MTMR1: variants seen among roughly 807,000 people sequenced by gnomAD.
MTMR1 encodes the protein phosphatidylinositol-3-phosphate phosphatase MTMR1.
MTMR1 carries 17 observed loss-of-function variants against 51.6 expected under a neutral mutation model. The observed-to-expected ratio is 0.33, with a 90% CI of 0.23 to 0.49. The LOEUF (loss-of-function observed/expected upper bound fraction) is 0.49, where lower values mean the gene tolerates loss of function less well. MTMR1 is among the 20% of genes least tolerant of loss of function. The pLI, the probability that MTMR1 is intolerant of heterozygous loss-of-function variation, is 0.99. For synonymous variants in MTMR1, 201 were observed against 205.6 expected, an observed-to-expected ratio of 0.98 and a Z score of 0.19; for missense variants, 386 against 526.9, an observed-to-expected ratio of 0.73 and a Z score of 2.62.
chrX:150,698,686 A>G (rs1039682983), intron 1 of MTMR1, among the ~76,000 whole-genome samples: 4 of 78,304 alleles, frequency 5.1e-5, no homozygotes, highest in East Asian at 6.6e-4. Context: ...GCGCGCACAC[A>G]CACACACACA....
At chrX:150,748,245 T>C (rs1255155812) in intron 13 of MTMR1, among the ~76,000 whole-genome samples, 1 of 112,079 alleles carries the variant, frequency 8.9e-6, no homozygotes, top group African/African-American at 3.2e-5. Context: ...GATACAGATA[T>C]TCAGTTCATA....
chrX:150,719,995 ATATCT>A (rs1484662018), intron 4 of MTMR1, among the ~76,000 whole-genome samples: 4 of 111,995 alleles, frequency 3.6e-5, no homozygotes, highest in African/African-American at 1.3e-4. Context: ...ATTATTGGAA[ATATCT>A]TAGAGTTAGA....
chrX:150,737,909 A>C (rs1287644066), intron 12 of MTMR1, among the ~76,000 whole-genome samples: 5 of 111,271 alleles, frequency 4.5e-5, no homozygotes, highest in Non-Finnish European at 7.5e-5. Context: ...TCTACTAAAA[A>C]TACAAAAATT....
At chrX:150,713,381 G>T (rs998847480) in intron 3 of MTMR1, among the ~76,000 whole-genome samples, 1 of 111,892 alleles carries the variant, frequency 8.9e-6, no homozygotes, top group Non-Finnish European at 1.9e-5. Flanking sequence ...CTTGAAGTAT[G>T]CTAAACTATA....
chrX:150,754,833 G>A (rs1192391475), intron 14 of MTMR1, among the ~76,000 whole-genome samples: 2 of 110,291 alleles, frequency 1.8e-5, no homozygotes, highest in African/African-American at 6.7e-5. Flanking sequence ...AAACCAGCCT[G>A]GGCAACACAG....
In MTMR1 at chrX:150,693,604, G is replaced by A; in HGVS notation, c.74G>A (p.Gly25Asp). 1.3e-6 allele frequency: 1 copy of A among 758,823 alleles called. No homozygotes were observed. The highest frequency in any genetic ancestry group is 2.3e-5 in the African/African-American group (1 of 43,628). 62.5% of individuals were successfully genotyped at this position (758,823 alleles called of 1,213,427 possible). ...GGCCCGAACCCGGGGCCGGCGGGCGGCAGGAGGCCTCCTCGGGCCGCGGGG... is the reference window on the plus strand; with the variant it reads ...GGCCCGAACCCGGGGCCGGCGGGCGACAGGAGGCCTCCTCGGGCCGCGGGG... ...GGGPNPGPAG[G>D]RRPPRAAGGA... is the part of the protein sequence containing the mutation. Residue 25 changes from glycine to aspartate, a missense_variant, in exon 1 of 16, where the codon GGC becomes GAC. By Grantham distance (94) the Gly-to-Asp change is moderately conservative. Transcript: ENST00000445323.
chrX:150,737,256 G>A lies in MTMR1; in HGVS notation c.1281G>A (p.Gly427=). 1 of 1,210,883 alleles carries A rather than the reference G, an allele frequency of 8.3e-7. No individual in the cohort carries two copies. The change falls in exon 12 of 16, where the codon GGG becomes GGA. Residue 427 remains glycine (G), a synonymous_variant. Coordinates refer to ENST00000445323, the MANE Select transcript of MTMR1 (RefSeq NM_001306144.3). ...TTTTTCTGAAGATGCTGCTTGCTGGGGCAGTAAGAATTGCTGATAAAATAG... is the reference window on the plus strand; with the variant it reads ...TTTTTCTGAAGATGCTGCTTGCTGGAGCAGTAAGAATTGCTGATAAAATAG... ...WLEYIRMLLA[G]AVRIADKIES... is the part of the protein sequence containing the mutation.
In MTMR1 at chrX:150,763,663, G is replaced by GA. The variant is rs1348694355; in HGVS notation, c.*937dup. 2 of 112,955 alleles carry GA rather than the reference G, an allele frequency of 1.8e-5. No individual in the cohort carries two copies. Among genetic ancestry groups the GA allele is most frequent in the African/African-American group, 6.4e-5 (2 of 31,159 alleles). 9.3% of individuals were successfully genotyped at this position (112,955 alleles called of 1,213,427 possible). On this transcript the variant is annotated 3_prime_UTR_variant, in exon 16 of 16. Coordinates refer to ENST00000445323, the MANE Select transcript of MTMR1 (RefSeq NM_001306144.3). The stretch of plus-strand genomic sequence containing the variant: ...CTGTTCTTATGTTATTTGCCTGTAT[G>GA]AAATCATTTCTCATTTTATCACAAT...
At chrX:150,736,430 G>A (rs1273393921) in intron 10 of MTMR1, 165 bp from the exon 11 acceptor site, 2 of 428,736 alleles carry the variant, frequency 4.7e-6, no homozygotes, top group Admixed American at 4.3e-5. Context: ...AAGCCACTGA[G>A]TTTGTGGTTC....
intron 12 of MTMR1, among the ~76,000 whole-genome samples, chrX:150,741,469 C>T (rs992137083): frequency 8.9e-6 from 1 of 112,423 alleles, no homozygotes; most frequent in Non-Finnish European, 1.9e-5. Context: ...CCTGTTCCTT[C>T]CCCTACCCCA....
intron 2 of MTMR1, among the ~76,000 whole-genome samples, chrX:150,709,504 G>A (rs1346674072): frequency 8.9e-6 from 1 of 112,250 alleles, no homozygotes; most frequent in African/African-American, 3.2e-5. Context: ...CATATATGAG[G>A]TTTGTGTTAG....
chrX:150,759,210 C>A (rs1192328424), intron 15 of MTMR1, among the ~76,000 whole-genome samples: 1 of 112,641 alleles, frequency 8.9e-6, no homozygotes, highest in Non-Finnish European at 1.9e-5. Context: ...AAGCCTACAT[C>A]CCCCTTCCAG....
At chrX:150,708,588 G>A (rs1375151074) in intron 2 of MTMR1, among the ~76,000 whole-genome samples, 1 of 111,404 alleles carries the variant, frequency 9.0e-6, no homozygotes, top group African/African-American at 3.3e-5. Context: ...ACAAGATGAT[G>A]CAGTATGCTT....
At chrX:150,703,362 A>G (rs782471310) in intron 2 of MTMR1, among the ~76,000 whole-genome samples, 34 of 111,918 alleles carry the variant, frequency 3.0e-4, no homozygotes, top group African/African-American at 6.5e-4. Context: ...ACATTATTCA[A>G]TTGTGTTCAA....
intron 14 of MTMR1, among the ~76,000 whole-genome samples, chrX:150,752,815 A>AT (rs1423892525): frequency 9.1e-6 from 1 of 110,361 alleles, no homozygotes; most frequent in Admixed American, 9.7e-5. Flanking sequence ...CTTTATTTCT[A>AT]TTTTTTGTAG....
Position 150,750,653 on chromosome X carries a change from CTG to C in MTMR1, c.1567-75_1567-74del, listed in dbSNP as rs782717964. 1.2e-4 allele frequency: 77 copies of C among 641,008 alleles called. 1 individual carries two copies. Among genetic ancestry groups the C allele is most frequent in the African/African-American group, 1.1e-3 (51 of 44,712 alleles). 52.8% of individuals were successfully genotyped at this position (641,008 alleles called of 1,213,427 possible). On this transcript the variant is annotated intron_variant, in intron 13 of 15. Transcript: ENST00000445323. ...GACTATATTCCAAGTTGTAGTTTCG[CTG>C]TCTTTCATAAAAAAGTAATATTACT...
At chrX:150,710,287 T>G (rs911802663) in intron 2 of MTMR1, among the ~76,000 whole-genome samples, 13 of 112,272 alleles carry the variant, frequency 1.2e-4, no homozygotes, top group Admixed American at 5.6e-4. Flanking sequence ...CCAGATTACT[T>G]AAACTGTGCC....
intron 12 of MTMR1, among the ~76,000 whole-genome samples, chrX:150,742,816 C>CAAAAA (rs1159891625): frequency 5.6e-4 from 12 of 21,505 alleles, no homozygotes; most frequent in Non-Finnish European, 7.8e-4. Context: ...GACTCCATCT[C>CAAAAA]AAAAAAAAAA....
chrX:150,718,584 C>CTT (rs1557416476), intron 3 of MTMR1, 41 bp from the exon 4 acceptor site: 2 of 136,859 alleles, frequency 1.5e-5, no homozygotes, highest in Non-Finnish European at 2.3e-5. Flanking sequence ...GTTTGGTGTC[C>CTT]TTTTTTTTTT....
Sources: allele counts gnomAD v4.1 joint callset (sites outside exome capture counted in the v4.1 genomes callset), GRCh38; gene constraint gnomAD v4.1.1; transcripts MANE v1.5; gene names NCBI Gene and HGNC (gene_info 2026-07-23, HGNC 2026-07-21).